SLC38A11: variants seen among roughly 807,000 people sequenced by gnomAD.
The protein encoded by SLC38A11 is putative sodium-coupled neutral amino acid transporter 11.
In SLC38A11, 51 loss-of-function variants were observed where a neutral mutation model predicts 49.4. That is an observed-to-expected ratio of 1.03 (90% CI 0.83 to 1.30). SLC38A11 has a LOEUF of 1.30. Ranked by LOEUF, SLC38A11 falls within the 50% of genes most tolerant of loss-of-function variation. The pLI is 0.00. For synonymous variants in SLC38A11, 203 were observed against 192.9 expected, an observed-to-expected ratio of 1.05 and a Z score of -0.43; for missense variants, 574 against 556.2, an observed-to-expected ratio of 1.03 and a Z score of -0.32.
At chr2:164,939,176 C>G (rs1687573983) in intron 6 of SLC38A11, among the ~76,000 whole-genome samples, 1 of 151,996 alleles carries the variant, frequency 6.6e-6, no homozygotes, top group Non-Finnish European at 1.5e-5. Context: ...AAATATAGTT[C>G]TTTATATTTT....
chr2:164,894,937 C>T lies in SLC38A11; in HGVS notation c.*3500G>A, dbSNP rs557197930. On this transcript the variant is annotated 3_prime_UTR_variant, in exon 12 of 12. Coordinates refer to ENST00000685975, the MANE Select transcript of SLC38A11 (RefSeq NM_001351537.2). Reference sequence around the variant, plus strand: ...CCAGCCTCTAAACAGATGGCTCCATCTGGCACTTTCTTATGTCCAACTTCC... The same window carrying T: ...CCAGCCTCTAAACAGATGGCTCCATTTGGCACTTTCTTATGTCCAACTTCC... Among the ~76,000 whole-genome samples the T allele has an allele frequency of 6.6e-6, 1 of 152,128 alleles. No homozygotes were observed. The highest frequency in any genetic ancestry group is 1.5e-5 in the Non-Finnish European group (1 of 68,032).
intron 2 of SLC38A11, among the ~76,000 whole-genome samples, chr2:164,953,493 C>A (rs950527197): frequency 6.6e-6 from 1 of 152,166 alleles, no homozygotes; most frequent in African/African-American, 2.4e-5. Context: ...TAACTTAACA[C>A]GTTCACATCA....
rs555776311 is a variant in SLC38A11 at position 164,920,275 on chromosome 2, C to T, written c.618-4302G>A. ...CAGCCTGGGTGACAGAGCAAGACTC[C>T]GTTAAAAAAAAAAAAAAAAAGAAAG... On this transcript the variant is annotated intron_variant, in intron 7 of 11. Transcript: ENST00000685975. Among the ~76,000 whole-genome samples, 356 of 92,908 alleles carry T rather than the reference C, an allele frequency of 3.8e-3. 2 individuals are homozygous for T. The highest frequency in any genetic ancestry group is 0.013 in the African/African-American group (335 of 25,146). 61.0% of individuals were successfully genotyped at this position (92,908 alleles called of 152,430 possible). A position where few individuals can be genotyped will look rare whatever the true frequency, so the allele number is the denominator to read the frequency against.
chr2:164,917,443 T>TTG (rs1685875732), intron 7 of SLC38A11, among the ~76,000 whole-genome samples: 1 of 152,176 alleles, frequency 6.6e-6, no homozygotes, highest in Non-Finnish European at 1.5e-5. Context: ...CCACAGATTG[T>TTG]TATAAGACTT....
intron 10 of SLC38A11, 33 bp downstream of exon 10, chr2:164,911,603 C>A: frequency 1.8e-6 from 2 of 1,107,856 alleles, no homozygotes; most frequent in Non-Finnish European, 2.6e-6. Flanking sequence ...GAGAGATCAC[C>A]TGGGTAAAGC....
At chr2:164,942,432 C>A (rs200149280) in intron 5 of SLC38A11, among the ~76,000 whole-genome samples, 3,145 of 101,846 alleles carry the variant, frequency 0.031, no homozygotes, top group Middle Eastern at 0.034. Context: ...GACTCTGTCT[C>A]AAAAAAAAAA....
chr2:164,915,129 AATGTC>A lies in SLC38A11; in HGVS notation c.828_832del (p.Leu276PhefsTer11). On this transcript the variant is annotated frameshift_variant, in exon 9 of 12. Coordinates refer to ENST00000685975, the MANE Select transcript of SLC38A11 (RefSeq NM_001351537.2). LOFTEE classifies it high-confidence loss of function. ...CATTTTACCTTGGGTGAAGCCAGTAAATGTCAAGTATCCACATGTAGCAAAGAATA... is the reference window on the plus strand; with the variant it reads ...CATTTTACCTTGGGTGAAGCCAGTAAAAGTATCCACATGTAGCAAAGAATA... The A allele has an allele frequency of 1.9e-6, 3 of 1,607,466 alleles. 1 individual carries two copies. In the East Asian group the frequency reaches 6.7e-5, roughly 36 times the overall value.
chr2:164,927,279 C>G (rs1484454757), intron 7 of SLC38A11, among the ~76,000 whole-genome samples: 1 of 152,128 alleles, frequency 6.6e-6, no homozygotes, highest in Non-Finnish European at 1.5e-5. Context: ...GACTTCCCAG[C>G]CTCCAGAACT....
At chr2:164,901,435 C>T (rs1170782703) in intron 11 of SLC38A11, among the ~76,000 whole-genome samples, 1 of 151,998 alleles carries the variant, frequency 6.6e-6, no homozygotes, top group East Asian at 1.9e-4. Flanking sequence ...TTTTCAATTT[C>T]CTTCAGCAAG....
chr2:164,910,781 T>C (rs999159983), intron 10 of SLC38A11, among the ~76,000 whole-genome samples: 1 of 152,136 alleles, frequency 6.6e-6, no homozygotes, highest in Non-Finnish European at 1.5e-5. Flanking sequence ...CCCTTTTCAG[T>C]GTGGTCCCTG....
chr2:164,900,210 C>T (rs1684566577), intron 11 of SLC38A11, among the ~76,000 whole-genome samples: 2 of 152,026 alleles, frequency 1.3e-5, no homozygotes. Context: ...TCAATGAACA[C>T]TGAGGTTGTT....
chr2:164,933,008 G>A (rs767550893), intron 7 of SLC38A11, among the ~76,000 whole-genome samples: 16 of 151,878 alleles, frequency 1.1e-4, no homozygotes, highest in African/African-American at 2.4e-5. Context: ...TTTATGTGTA[G>A]CATAAAACTG....
chr2:164,925,764 G>A (rs1240699925), intron 7 of SLC38A11, among the ~76,000 whole-genome samples: 1 of 152,146 alleles, frequency 6.6e-6, no homozygotes, highest in East Asian at 1.9e-4. Context: ...CTAATAAGCT[G>A]TAAGAGGTCT....
chr2:164,909,414 A>C (rs1043501611), intron 10 of SLC38A11, among the ~76,000 whole-genome samples: 6 of 151,894 alleles, frequency 4.0e-5, no homozygotes, highest in African/African-American at 1.5e-4. Flanking sequence ...AATGATTCCT[A>C]TTCTCAGGAA....
Position 164,937,527 on chromosome 2 carries a change from A to G in SLC38A11, c.538-98T>C, listed in dbSNP as rs565164965. On this transcript the variant is annotated intron_variant, in intron 6 of 11. Coordinates refer to ENST00000685975, the MANE Select transcript of SLC38A11 (RefSeq NM_001351537.2). ...CATTTTTAATTGGGTAAACTTACAT[A>G]TAGATTTTTTTGCCTAATTCTTTAG... 3.7e-6 allele frequency: 3 copies of G among 810,896 alleles called. No individual in the cohort carries two copies. The East Asian group carries it at 7.8e-5, about 21-fold the overall frequency. 50.2% of individuals were successfully genotyped at this position (810,896 alleles called of 1,614,324 possible).
At chr2:164,913,131 G>T in intron 9 of SLC38A11, among the ~76,000 whole-genome samples, 1 of 151,492 alleles carries the variant, frequency 6.6e-6, no homozygotes, top group South Asian at 2.1e-4. Flanking sequence ...TAAATAATTT[G>T]CCTCTTCCCA....
rs1687984502 is a variant in SLC38A11, at chr2:164,944,585, A to G, written c.414T>C (p.Phe138=). ...IIAGDTLSKV[F]QRIPGVDPEN... ...TTGGCTTACCTCCTGGGATTCTTTG[A>G]AAAACTTTGCTCAAAGTATCTCCAG... Residue 138 remains phenylalanine (F), a synonymous_variant, in exon 5 of 12, where the codon TTT becomes TTC. Coordinates refer to ENST00000685975, the MANE Select transcript of SLC38A11 (RefSeq NM_001351537.2). The G allele has an allele frequency of 3.7e-6, 5 of 1,340,536 alleles. No homozygotes were observed. The highest frequency in any genetic ancestry group is 4.8e-6 in the Non-Finnish European group (5 of 1,034,414). The allele number at this position is 1,340,536 out of a possible 1,614,324, so 83.0% of individuals were successfully genotyped here. A position where few individuals can be genotyped will look rare whatever the true frequency, so the allele number is the denominator to read the frequency against.
intron 7 of SLC38A11, among the ~76,000 whole-genome samples, chr2:164,922,807 T>C (rs1420644240): frequency 6.6e-6 from 1 of 152,156 alleles, no homozygotes; most frequent in Non-Finnish European, 1.5e-5. Flanking sequence ...AGGCATCACA[T>C]TATCTGACTT....
In SLC38A11 at chr2:164,897,074, GC is replaced by G. The variant is rs1684390296; in HGVS notation, c.*1362del. 6 of 152,142 alleles carry G rather than the reference GC, an allele frequency of 3.9e-5. No homozygotes were observed. The South Asian group carries it at 1.0e-3, about 26-fold the overall frequency. The allele number at this position is 152,142 out of a possible 1,614,324, so 9.4% of individuals were successfully genotyped here. On this transcript the variant is annotated 3_prime_UTR_variant, in exon 12 of 12. Transcript: ENST00000685975. Reference sequence around the variant, plus strand: ...TTGATATAAGGAAGCCATCCAGATGGCCCCAGATTTTCATGTTACTTTTTGA... The same window carrying G: ...TTGATATAAGGAAGCCATCCAGATGGCCCAGATTTTCATGTTACTTTTTGA...
Sources: allele counts gnomAD v4.1 joint callset (sites outside exome capture counted in the v4.1 genomes callset), GRCh38; gene constraint gnomAD v4.1.1; transcripts MANE v1.5; gene names NCBI Gene and HGNC (gene_info 2026-07-23, HGNC 2026-07-21).